AP1AR: variants seen among roughly 807,000 people sequenced by gnomAD.
AP1AR encodes adaptor related protein complex 1 associated regulatory protein.
AP1AR carries 29 observed loss-of-function variants against 46.3 expected under a neutral mutation model. The observed-to-expected ratio is 0.63, with a 90% confidence interval of 0.47 to 0.85. AP1AR has a LOEUF of 0.85. Ranked by LOEUF, AP1AR falls within the 40% of genes least tolerant of loss-of-function variation. The probability of loss-of-function intolerance (pLI) is 0.00; values close to 1 mark genes in which losing one functional copy is unlikely to be tolerated. For missense variants in AP1AR, 357 were observed against 356.3 expected, an observed-to-expected ratio of 1.00 and a Z score of -0.02; for synonymous variants, 122 against 122.9, an observed-to-expected ratio of 0.99 and a Z score of 0.05.
At chr4:112,268,111 C>G (rs778406937) in intron 9 of AP1AR, 33 bp from the exon 10 acceptor site, 1 of 1,503,420 alleles carries the variant, frequency 6.7e-7, no homozygotes, top group East Asian at 2.3e-5. Flanking sequence ...ATTATCTGTT[C>G]TGAGATTTTT....
At chr4:112,253,146 A>G in intron 1 of AP1AR, 62 bp from the exon 2 acceptor site, 1 of 1,235,720 alleles carries the variant, frequency 8.1e-7, no homozygotes, top group South Asian at 1.3e-5. Context: ...TTTTTATGCT[A>G]TATATTAATT....
chr4:112,252,301 T>C (rs1245879414), intron 1 of AP1AR, among the ~76,000 whole-genome samples: 1 of 152,228 alleles, frequency 6.6e-6, no homozygotes, highest in African/African-American at 2.4e-5. Flanking sequence ...TCCTTGTTTC[T>C]TAAAAGTGTG....
intron 1 of AP1AR, among the ~76,000 whole-genome samples, chr4:112,248,412 T>G (rs796095271): frequency 6.6e-6 from 1 of 152,212 alleles, no homozygotes; most frequent in African/African-American, 2.4e-5. Context: ...TGTTGGTATG[T>G]TAGCTTTTTA....
At chr4:112,261,526 C>T (rs1330278365) in intron 5 of AP1AR, among the ~76,000 whole-genome samples, 3 of 152,098 alleles carry the variant, frequency 2.0e-5, no homozygotes, top group Non-Finnish European at 4.4e-5. Context: ...TGTATTTGTT[C>T]TCAGAGAACC....
At chr4:112,239,819 G>C (rs547740494) in intron 1 of AP1AR, among the ~76,000 whole-genome samples, 1 of 152,308 alleles carries the variant, frequency 6.6e-6, no homozygotes, top group Middle Eastern at 3.4e-3. Context: ...TCCCTTAATA[G>C]AGTATAAATT....
chr4:112,236,445 G>A lies in AP1AR; in HGVS notation c.83+4271G>A, dbSNP rs76985682. On this transcript the variant is annotated intron_variant, in intron 1 of 9. Coordinates refer to ENST00000274000, the MANE Select transcript of AP1AR (RefSeq NM_018569.6). ...AAAAGGAGTCTCGCTCTCTTGCCCA[G>A]GCTGAAATGCACTGGCACAATCCTG... Among the ~76,000 whole-genome samples, 36 of 148,472 alleles carry A rather than the reference G, an allele frequency of 2.4e-4. 2 individuals are homozygous for A. The East Asian group carries it at 7.2e-3, about 30-fold the overall frequency.
At position 112,269,216 on chromosome 4, in the gene AP1AR, T is replaced by C. The variant is rs1228476964; in HGVS notation, c.*807T>C. On this transcript the variant is annotated 3_prime_UTR_variant, in exon 10 of 10. Transcript: ENST00000274000. ...TTTTTAAAAAATTCTATATTTCCAATGAACGATGTTAGATTTTACACAGAA... is the reference window on the plus strand; with the variant it reads ...TTTTTAAAAAATTCTATATTTCCAACGAACGATGTTAGATTTTACACAGAA... 6.6e-6 allele frequency: 1 copy of C among 152,124 alleles called. No homozygotes were observed. The allele number at this position is 152,124 out of a possible 1,614,324, so 9.4% of individuals were successfully genotyped here. A position where few individuals can be genotyped will look rare whatever the true frequency, so the allele number is the denominator to read the frequency against.
At chr4:112,260,888 G>A (rs752040388) in intron 5 of AP1AR, 26 bp downstream of exon 5, 3 of 1,372,892 alleles carry the variant, frequency 2.2e-6, no homozygotes, top group African/African-American at 2.9e-5. Context: ...TATTGCTTAA[G>A]TACATGTTAT....
At chr4:112,259,708 G>A (rs1169885250) in intron 4 of AP1AR, among the ~76,000 whole-genome samples, 12 of 152,172 alleles carry the variant, frequency 7.9e-5, no homozygotes. Context: ...GTAAAAGAGA[G>A]GTACTAATTG....
intron 1 of AP1AR, among the ~76,000 whole-genome samples, chr4:112,239,537 G>A (rs1198243492): frequency 6.6e-6 from 1 of 152,182 alleles, no homozygotes; most frequent in Non-Finnish European, 1.5e-5. Flanking sequence ...CCTAGGGGTT[G>A]TCTTTGACAC....
At chr4:112,268,086 T>C (rs1726780995) in intron 9 of AP1AR, 58 bp from the exon 10 acceptor site, 1 of 1,456,332 alleles carries the variant, frequency 6.9e-7, no homozygotes, top group East Asian at 2.4e-5. Flanking sequence ...TTTGGGAGTT[T>C]TTAAATATAG....
In AP1AR at chr4:112,232,020, G is replaced by A; in HGVS notation, c.-72G>A. ...CCATTTCGGCTCGTGCCGTGCGGATGCAGCTGCCGGGCCTGGGTTTGGGCA... is the reference window on the plus strand; with the variant it reads ...CCATTTCGGCTCGTGCCGTGCGGATACAGCTGCCGGGCCTGGGTTTGGGCA... On this transcript the variant is annotated 5_prime_UTR_variant, in exon 1 of 10. The change abolishes an upstream ATG in the 5' untranslated region. Coordinates refer to ENST00000274000, the MANE Select transcript of AP1AR (RefSeq NM_018569.6). 3.1e-6 allele frequency: 4 copies of A among 1,277,818 alleles called. No homozygotes were observed. Among genetic ancestry groups the A allele is most frequent in the Non-Finnish European group, 4.0e-6 (4 of 995,210 alleles). The allele number at this position is 1,277,818 out of a possible 1,614,324, so 79.2% of individuals were successfully genotyped here.
chr4:112,231,918 C>T lies in AP1AR; in HGVS notation c.-174C>T. ...CGCTGGAGTAAACACTGCCTTTGTT[C>T]CCTAGCGCCTCGTCTTTCGTCGCCC... On this transcript the variant is annotated 5_prime_UTR_variant, in exon 1 of 10. Transcript: ENST00000274000. 4.3e-6 allele frequency: 2 copies of T among 467,242 alleles called. No homozygotes were observed. Among genetic ancestry groups the T allele is most frequent in the Non-Finnish European group, 7.1e-6 (2 of 282,668 alleles). The allele number at this position is 467,242 out of a possible 1,614,324, so 28.9% of individuals were successfully genotyped here.
In AP1AR at chr4:112,266,673, T is replaced by G. The variant is rs1307458652; in HGVS notation, c.600T>G (p.Asn200Lys). 6 of 1,610,554 alleles carry G rather than the reference T, an allele frequency of 3.7e-6. No individual in the cohort carries two copies. Among genetic ancestry groups the G allele is most frequent in the Non-Finnish European group, 4.2e-6 (5 of 1,177,722 alleles). The change falls in exon 9 of 10, where the codon AAT becomes AAG. Residue 200 changes from asparagine (N) to lysine (K), a missense_variant. Asn to Lys is a moderately conservative substitution (Grantham distance 94). Around this residue, in one of 2 missense-constraint regions of AP1AR, gnomAD observed 88 missense variants for 132.7 expected, o/e 0.66. Coordinates refer to ENST00000274000, the MANE Select transcript of AP1AR (RefSeq NM_018569.6). ...CCAAAACTAAATCAACTAGTGGAAA[T>G]GACGACAGCACATCCTTAGATCTAG... ...LMTKTKSTSG[N>K]DDSTSLDLEW...
intron 1 of AP1AR, among the ~76,000 whole-genome samples, chr4:112,240,716 A>G (rs1349733993): frequency 6.6e-6 from 1 of 152,038 alleles, no homozygotes; most frequent in Non-Finnish European, 1.5e-5. Flanking sequence ...TTTTGATGAC[A>G]CCTCATCTGA....
chr4:112,239,936 C>T (rs1725414021), intron 1 of AP1AR, among the ~76,000 whole-genome samples: 1 of 152,252 alleles, frequency 6.6e-6, no homozygotes, highest in Non-Finnish European at 1.5e-5. Context: ...AATAGACTAT[C>T]AAGTGGGTCT....
intron 5 of AP1AR, 72 bp from the exon 6 acceptor site, chr4:112,262,916 A>G (rs1205443866): frequency 1.2e-5 from 11 of 929,842 alleles, no homozygotes; most frequent in East Asian, 2.4e-5. Context: ...TTATAAATAG[A>G]AGCATTTTAT....
chr4:112,253,018 G>A (rs555419174), intron 1 of AP1AR, among the ~76,000 whole-genome samples, 190 bp from the exon 2 acceptor site: 2 of 152,240 alleles, frequency 1.3e-5, no homozygotes, highest in Admixed American at 6.5e-5. Flanking sequence ...ACTAAACAAA[G>A]TCATAATGAA....
At chr4:112,260,356 A>G (rs1726388284) in intron 4 of AP1AR, among the ~76,000 whole-genome samples, 1 of 152,186 alleles carries the variant, frequency 6.6e-6, no homozygotes, top group Non-Finnish European at 1.5e-5. Context: ...TAGGAGGATT[A>G]AGAAGAGTTC....
Sources: gnomAD v4.1 joint callset for allele counts (sites outside exome capture counted in the v4.1 genomes callset) on GRCh38, gnomAD v4.1.1 for gene constraint, gnomAD v4.1.1 regional missense constraint, MANE v1.5 for transcripts, NCBI Gene and HGNC (gene_info 2026-07-23, HGNC 2026-07-21) for gene names.